Variants in SCN8A observed in about 807,000 individuals in gnomAD.
SCN8A encodes the protein sodium voltage-gated channel alpha subunit 8.
Under a neutral mutation model 184.1 loss-of-function variants are expected in SCN8A, and 30 were observed. That is an observed-to-expected ratio of 0.16 (90% CI 0.12 to 0.22). SCN8A has a LOEUF of 0.22. Among genes scored for constraint, SCN8A ranks in the 10% least tolerant of loss-of-function variants. The pLI is 1.00. For missense variants in SCN8A, 1,057 were observed against 2,498.9 expected (o/e 0.42, Z 12.30); for synonymous variants, 852 against 907.0 (o/e 0.94, Z 1.09).
intron 1 of SCN8A, among the ~76,000 whole-genome samples, chr12:51,597,736 C>T (rs897950665): frequency 3.3e-5 from 5 of 152,174 alleles, no homozygotes; most frequent in Non-Finnish European, 7.3e-5. Flanking sequence ...TTAATGTCCA[C>T]TGCAAGCTGG....
Position 51,806,620 on chromosome 12 carries a change from C to T in SCN8A, c.5134C>T (p.Leu1712=). The change falls in exon 27 of 27, where the codon CTG becomes TTG. Residue 1712 remains leucine, a synonymous_variant. Transcript: ENST00000627620. The surrounding 1 kb of genome is among the most constrained non-coding windows in gnomAD (Gnocchi z 8.7). The part of the protein sequence containing the change: ...TTSAGWDGLL[L]PILNRPPDCS... ...CTCAGCTGGTTGGGATGGCCTGCTG[C>T]TGCCCATCCTAAACCGCCCCCCTGA... 6.2e-7 allele frequency: 1 copy of T among 1,614,190 alleles called. No individual in the cohort carries two copies. Among genetic ancestry groups the T allele is most frequent in the Non-Finnish European group, 8.5e-7 (1 of 1,180,014 alleles).
At chr12:51,752,309 G>A (rs1294162153) in intron 14 of SCN8A, among the ~76,000 whole-genome samples, 2 of 152,044 alleles carry the variant, frequency 1.3e-5, no homozygotes, top group Non-Finnish European at 2.9e-5. Flanking sequence ...TTCCTTAGGT[G>A]TTAACCACAG....
intron 12 of SCN8A, chr12:51,722,885 C>A (rs1370947975): frequency 3.3e-5 from 5 of 152,134 alleles, no homozygotes; most frequent in African/African-American, 1.2e-4. Flanking sequence ...CTGTTTGTAT[C>A]TTTTTTATTT....
intron 9 of SCN8A, 57 bp downstream of exon 9, chr12:51,702,971 G>T (rs754713857): frequency 2.0e-5 from 29 of 1,484,496 alleles, no homozygotes; most frequent in Non-Finnish European, 2.5e-5. Context: ...ATATGGGGTT[G>T]GGGACCTTCT....
intron 12 of SCN8A, among the ~76,000 whole-genome samples, chr12:51,740,704 G>C (rs551209291): frequency 1.3e-5 from 2 of 152,294 alleles, no homozygotes; most frequent in South Asian, 4.1e-4. Flanking sequence ...GTTAAGTCCA[G>C]TGTTTCTTTG....
At chr12:51,676,189 G>A (rs558269037) in intron 2 of SCN8A, among the ~76,000 whole-genome samples, 1 of 152,262 alleles carries the variant, frequency 6.6e-6, no homozygotes, top group African/African-American at 2.4e-5. Context: ...ATTTCTAAGG[G>A]GAGCTGGATA....
Position 51,672,667 on chromosome 12 carries a change from G to T in SCN8A, c.276+9574G>T, listed in dbSNP as rs933632168. Among the ~76,000 whole-genome samples, 8 of 152,016 alleles carry T rather than the reference G, an allele frequency of 5.3e-5. 1 individual carries two copies. Among genetic ancestry groups the T allele is most frequent in the Admixed American group, 4.6e-4 (7 of 15,264 alleles). ...CATCTGTTTCTGGATTTTCCCACAG[G>T]TTACTCAGTATATTCAGAATTGAAC... On this transcript the variant is annotated intron_variant, in intron 2 of 26. Transcript: ENST00000627620.
chr12:51,697,665 G>A (rs1012528721), intron 6 of SCN8A, among the ~76,000 whole-genome samples: 1 of 152,148 alleles, frequency 6.6e-6, no homozygotes, highest in African/African-American at 2.4e-5. Flanking sequence ...CTATGTGCCA[G>A]GAACTTTACT....
intron 11 of SCN8A, among the ~76,000 whole-genome samples, chr12:51,715,175 G>T (rs1941944516): frequency 6.6e-6 from 1 of 152,124 alleles, no homozygotes. Flanking sequence ...CTACTCTTTT[G>T]CAAAGAGTGA....
chr12:51,636,975 C>T (rs888487522), intron 1 of SCN8A, among the ~76,000 whole-genome samples: 4 of 152,218 alleles, frequency 2.6e-5, no homozygotes, highest in Non-Finnish European at 5.9e-5. Flanking sequence ...TTGAGCAAGT[C>T]TGTCGGGACC....
intron 1 of SCN8A, among the ~76,000 whole-genome samples, chr12:51,628,940 A>C (rs572844164): frequency 6.6e-6 from 1 of 152,248 alleles, no homozygotes; most frequent in Admixed American, 6.5e-5. Context: ...TTAAACCTAG[A>C]TAAACATAGA....
intron 2 of SCN8A, 62 bp downstream of exon 2, chr12:51,663,155 G>A: frequency 1.3e-6 from 2 of 1,564,858 alleles, no homozygotes; most frequent in South Asian, 2.4e-5. Context: ...AGGGAGATGG[G>A]GGAGAAAGAA....
rs373697588 is a variant in SCN8A, at chr12:51,739,799, G to A, written c.1999-6104G>A. 1.6e-4 allele frequency among the ~76,000 whole-genome samples: 24 copies of A among 152,178 alleles called. No individual in the cohort carries two copies. The East Asian group carries it at 2.9e-3, about 18-fold the overall frequency. On this transcript the variant is annotated intron_variant, in intron 12 of 26. Transcript: ENST00000627620. The stretch of plus-strand genomic sequence containing the variant: ...GTCAGGGAGACCCTAACCCAGTGGC[G>A]CTAGAGGAATTAAAGACACACACAC...
In SCN8A at chr12:51,811,568, A is replaced by C. The variant is rs1938898115; in HGVS notation, c.*4139A>C. The C allele has an allele frequency of 6.6e-6, 1 of 152,508 alleles. No individual in the cohort carries two copies. Among genetic ancestry groups the C allele is most frequent in the African/African-American group, 2.4e-5 (1 of 41,464 alleles). The allele number at this position is 152,508 out of a possible 1,614,324, so 9.4% of individuals were successfully genotyped here. Reference sequence around the variant, plus strand: ...ACTGGGCCCTGCCCTCCATCGCCCCAGACAGGCCCACAGACGAGGGCTGGT... The same window carrying C: ...ACTGGGCCCTGCCCTCCATCGCCCCCGACAGGCCCACAGACGAGGGCTGGT... On this transcript the variant is annotated 3_prime_UTR_variant, in exon 27 of 27. Transcript: ENST00000627620.
At chr12:51,803,647 C>T (rs950794062) in intron 26 of SCN8A, among the ~76,000 whole-genome samples, 1 of 152,128 alleles carries the variant, frequency 6.6e-6, no homozygotes, top group Non-Finnish European at 1.5e-5. Context: ...CAGCCATCAT[C>T]TTCTCTCTGA....
chr12:51,752,934 T>A (rs1392431843), intron 14 of SCN8A, among the ~76,000 whole-genome samples: 1 of 152,244 alleles, frequency 6.6e-6, no homozygotes, highest in African/African-American at 2.4e-5. Flanking sequence ...TTTGTTTTTC[T>A]CAAAATCTTT....
intron 1 of SCN8A, among the ~76,000 whole-genome samples, chr12:51,624,350 T>C (rs1283392202): frequency 5.9e-4 from 89 of 152,026 alleles, no homozygotes; most frequent in African/African-American, 2.0e-3. Context: ...ATTTGCATTT[T>C]TCTGATGGCC....
intron 1 of SCN8A, among the ~76,000 whole-genome samples, chr12:51,632,087 T>G (rs1441818917): frequency 6.6e-6 from 1 of 152,216 alleles, no homozygotes; most frequent in Non-Finnish European, 1.5e-5. Flanking sequence ...CAAACCCATG[T>G]CTACCTGGCT....
intron 12 of SCN8A, among the ~76,000 whole-genome samples, chr12:51,724,743 C>T (rs1942129613): frequency 6.6e-6 from 1 of 152,050 alleles, no homozygotes; most frequent in Non-Finnish European, 1.5e-5. Flanking sequence ...AATATTTAAG[C>T]CAAATAATGC....
Sources: gnomAD v4.1 joint callset for allele counts (sites outside exome capture counted in the v4.1 genomes callset) on GRCh38, gnomAD v4.1.1 for gene constraint, Gnocchi (gnomAD v3.1) non-coding constraint, MANE v1.5 for transcripts, NCBI Gene and HGNC (gene_info 2026-07-23, HGNC 2026-07-21) for gene names.